The following PAPLN variants were observed in gnomAD, a reference collection of about 807,000 sequenced individuals.
The protein encoded by PAPLN is papilin, proteoglycan like sulfated glycoprotein.
In PAPLN, 146 loss-of-function variants were observed where a neutral mutation model predicts 159.0. The ratio of observed to expected loss-of-function variants is 0.92; its 90% confidence interval spans 0.80 to 1.05. PAPLN has a LOEUF of 1.05. Ranked by LOEUF, PAPLN falls within the 50% of genes least tolerant of loss-of-function variation. The pLI, the probability that PAPLN is intolerant of heterozygous loss-of-function variation, is 0.00. For synonymous variants in PAPLN, 734 were observed against 702.9 expected (o/e 1.04, Z -0.70); for missense variants, 1,720 against 1,743.9 (o/e 0.99, Z 0.24).
chr14:73,238,133 A>G (rs1883171634), intron 1 of PAPLN, among the ~76,000 whole-genome samples: 1 of 152,162 alleles, frequency 6.6e-6, no homozygotes, highest in Admixed American at 6.5e-5. Flanking sequence ...GGCGGGGGCC[A>G]CGGGGACGGG....
At position 73,252,039 on chromosome 14, in the gene PAPLN, C is replaced by A. The variant is rs770785668; in HGVS notation, c.865C>A (p.Pro289Thr). ...ACAGCTCATCAGCCAGGAGCCCAAC[C>A]CCGGTGTGCACTATGAGTACCACCT... Reference protein sequence around the residue: ...VIELISQEPNPGVHYEYHLPL... With the variant: ...VIELISQEPNTGVHYEYHLPL... Residue 289 changes from proline (P) to threonine (T), a missense_variant, in exon 10 of 27, where the codon CCC becomes ACC. Pro to Thr is a conservative substitution (Grantham distance 38). Coordinates refer to ENST00000644200, the MANE Select transcript of PAPLN (RefSeq NM_001365906.3). 5 of 1,611,318 alleles carry A rather than the reference C, an allele frequency of 3.1e-6. No individual in the cohort carries two copies. The highest frequency in any genetic ancestry group is 4.2e-6 in the Non-Finnish European group (5 of 1,178,896).
upstream of PAPLN, among the ~76,000 whole-genome samples, chr14:73,237,172 T>A (rs1276106108): frequency 4.6e-5 from 7 of 151,836 alleles, no homozygotes; most frequent in Admixed American, 2.6e-4. Flanking sequence ...GAGAAGGTGG[T>A]GGCTGGACAC....
chr14:73,264,037 G>GCTGA, intron 20 of PAPLN, 174 bp from the exon 21 acceptor site: 2 of 1,492,046 alleles, frequency 1.3e-6, no homozygotes, highest in Non-Finnish European at 1.8e-6. Context: ...CTCCACCTCC[G>GCTGA]CTGACAGGTG....
At chr14:73,258,784 C>G (rs1886223177) in intron 14 of PAPLN, among the ~76,000 whole-genome samples, 195 bp from the exon 15 acceptor site, 1 of 152,130 alleles carries the variant, frequency 6.6e-6, no homozygotes, top group Non-Finnish European at 1.5e-5. Context: ...TTCTGTGTGA[C>G]TGGAGACTTT....
chr14:73,270,231 T>TCCCGCACTCGTGGCGGC (rs1887594989), intron 26 of PAPLN, among the ~76,000 whole-genome samples: 1 of 151,940 alleles, frequency 6.6e-6, no homozygotes, highest in Admixed American at 6.6e-5. Flanking sequence ...CTGACCCGGA[T>TCCCGCACTCGTGGCGGC]CCCGCACTCG....
At chr14:73,258,707 A>T (rs948262643) in intron 14 of PAPLN, among the ~76,000 whole-genome samples, 3 of 150,448 alleles carry the variant, frequency 2.0e-5, no homozygotes, top group African/African-American at 7.3e-5. Flanking sequence ...GGCTTTAGTG[A>T]GCCATGATCA....
intron 25 of PAPLN, 163 bp from the exon 26 acceptor site, chr14:73,268,394 A>G (rs1887420977): frequency 3.0e-6 from 2 of 674,166 alleles, no homozygotes; most frequent in Non-Finnish European, 4.7e-6. Context: ...CAGTAACCCA[A>G]CCTAGAAACC....
chr14:73,250,917 G>C lies in PAPLN; in HGVS notation c.476G>C (p.Cys159Ser). The C allele has an allele frequency of 1.2e-6, 2 of 1,612,688 alleles. No homozygotes were observed. The highest frequency in any genetic ancestry group is 1.1e-5 in the South Asian group (1 of 90,970). ...CVDGSCRVVGCDHELDSSKQE... is the reference protein window; with the variant it reads ...CVDGSCRVVGSDHELDSSKQE... ...CATCTCTGCCCACAGGTTGTCGGCT[G>C]TGATCACGAGCTGGACTCGTCCAAG... Residue 159 changes from cysteine to serine, a missense_variant, in exon 7 of 27, where the codon TGT (cysteine) becomes TCT (serine). Cys to Ser is a moderately radical substitution (Grantham distance 112). Coordinates refer to ENST00000644200, the MANE Select transcript of PAPLN (RefSeq NM_001365906.3).
chr14:73,262,397 G>A lies in PAPLN; in HGVS notation c.2293G>A (p.Asp765Asn), dbSNP rs1452581848. Residue 765 changes from aspartate (D) to asparagine (N), a missense_variant, in exon 19 of 27, where the codon GAC (aspartate) becomes AAC (asparagine). Transcript: ENST00000644200. ...GCCCAGTGCCCATGGCTCTTGCGCA[G>A]ACTGGGCTGCCCGCTGGTACTTCGT... ...LLPSAHGSCA[D>N]WAARWYFVAS... is the part of the protein sequence containing the mutation. 1 of 1,613,898 alleles carries A rather than the reference G, an allele frequency of 6.2e-7. No individual in the cohort carries two copies. The highest frequency in any genetic ancestry group is 2.2e-5 in the East Asian group (1 of 44,902).
intron 14 of PAPLN, among the ~76,000 whole-genome samples, chr14:73,255,957 C>G (rs565015186): frequency 2.6e-5 from 4 of 152,282 alleles, no homozygotes; most frequent in Non-Finnish European, 4.4e-5. Context: ...CTTTCCAGAC[C>G]GTGGTGGTCA....
rs879444334 is a variant in PAPLN at position 73,244,128 on chromosome 14, AT to A, written c.55-506del. 100 of 156,448 alleles carry A rather than the reference AT, an allele frequency of 6.4e-4. 1 individual carries two copies. Among genetic ancestry groups the A allele is most frequent in the Middle Eastern group, 6.7e-3 (2 of 298 alleles). 9.7% of individuals were successfully genotyped at this position (156,448 alleles called of 1,614,324 possible). A position where few individuals can be genotyped will look rare whatever the true frequency, so the allele number is the denominator to read the frequency against. On this transcript the variant is annotated intron_variant, in intron 2 of 26. Coordinates refer to ENST00000644200, the MANE Select transcript of PAPLN (RefSeq NM_001365906.3). ...TAGCTGCAGGCAGTCCAGGAAATGT[AT>A]TTTTTTTTTAAATTTTGGGCAGCCA... is the stretch of plus-strand genomic sequence containing the variant.
intron 26 of PAPLN, among the ~76,000 whole-genome samples, chr14:73,269,020 C>A (rs112747230): frequency 1.3e-5 from 2 of 152,162 alleles, no homozygotes; most frequent in East Asian, 1.9e-4. Flanking sequence ...TTCAGACTCA[C>A]CGATTTTGAG....
intron 1 of PAPLN, among the ~76,000 whole-genome samples, chr14:73,238,051 T>A (rs1321410691): frequency 1.3e-5 from 2 of 151,864 alleles, no homozygotes; most frequent in Non-Finnish European, 2.9e-5. Flanking sequence ...GCCTCGGGGG[T>A]GCGCGGCGCG....
rs754761452 is a variant in PAPLN at position 73,252,736 on chromosome 14, G to A, written c.1055G>A (p.Arg352Gln). 23 of 1,613,446 alleles carry A rather than the reference G, an allele frequency of 1.4e-5. No individual in the cohort carries two copies. Among genetic ancestry groups the A allele is most frequent in the African/African-American group, 8.0e-5 (6 of 74,932 alleles). Residue 352 changes from arginine (R) to glutamine (Q), a missense_variant, in exon 11 of 27, where the codon CGG (arginine) becomes CAG (glutamine). Arg to Gln is a conservative substitution (Grantham distance 43). Coordinates refer to ENST00000644200, the MANE Select transcript of PAPLN (RefSeq NM_001365906.3). Reference protein sequence around the residue: ...MCQRQPRPADRRSCNLHPCPE... With the variant: ...MCQRQPRPADQRSCNLHPCPE... ...CAGCGCCAGCCACGGCCAGCTGACC[G>A]GCGTTCCTGCAATCTTCACCCTTGC...
At chr14:73,263,008 A>G in intron 19 of PAPLN, 181 bp downstream of exon 19, 1 of 507,974 alleles carries the variant, frequency 2.0e-6, no homozygotes, top group Non-Finnish European at 3.2e-6. Flanking sequence ...CTGGGGCTTC[A>G]GAGACTTGAG....
chr14:73,260,380 C>A (rs1344680493), intron 16 of PAPLN, among the ~76,000 whole-genome samples: 3 of 152,162 alleles, frequency 2.0e-5, no homozygotes, highest in African/African-American at 7.2e-5. Context: ...TTGTAACCCC[C>A]GCTGTGAACT....
upstream of PAPLN, among the ~76,000 whole-genome samples, chr14:73,237,090 G>A (rs1476012132): frequency 1.3e-5 from 2 of 152,172 alleles, no homozygotes; most frequent in Non-Finnish European, 2.9e-5. Flanking sequence ...GTGAGAAAAC[G>A]TGCTGGGAGA....
Position 73,272,803 on chromosome 14 carries a change from CA to C in PAPLN, c.*140del. The C allele has an allele frequency of 1.1e-6, 1 of 927,656 alleles. No homozygotes were observed. Among genetic ancestry groups the C allele is most frequent in the Non-Finnish European group, 1.5e-6 (1 of 683,936 alleles). 57.5% of individuals were successfully genotyped at this position (927,656 alleles called of 1,614,324 possible). A position where few individuals can be genotyped will look rare whatever the true frequency, so the allele number is the denominator to read the frequency against. ...ACATTAGCTCTTTCAAAAACCCACC[CA>C]GTGTTTAGCCTCAACGGCAGCCAGT... is the stretch of plus-strand genomic sequence containing the variant. On this transcript the variant is annotated 3_prime_UTR_variant, in exon 27 of 27. Coordinates refer to ENST00000644200, the MANE Select transcript of PAPLN (RefSeq NM_001365906.3).
chr14:73,255,125 C>T, intron 14 of PAPLN, 107 bp downstream of exon 14: 1 of 1,402,730 alleles, frequency 7.1e-7, no homozygotes, highest in Non-Finnish European at 9.6e-7. Flanking sequence ...ACTGTGTCAT[C>T]CCTCTGGACC....
Sources: allele counts gnomAD v4.1 joint callset (sites outside exome capture counted in the v4.1 genomes callset), GRCh38; gene constraint gnomAD v4.1.1; transcripts MANE v1.5; gene names NCBI Gene and HGNC (gene_info 2026-07-23, HGNC 2026-07-21).